CRB2: variants seen among roughly 807,000 people sequenced by gnomAD.
CRB2 encodes the protein crumbs cell polarity complex component 2.
CRB2 carries 85 observed loss-of-function variants against 110.9 expected under a neutral mutation model. That is an observed-to-expected ratio of 0.77 (90% CI 0.64 to 0.92). The LOEUF is 0.92. Among genes scored for constraint, CRB2 ranks in the 40% least tolerant of loss-of-function variants. The probability of loss-of-function intolerance (pLI) is 0.00; values close to 1 mark genes in which losing one functional copy is unlikely to be tolerated. For missense variants in CRB2, 1,843 were observed against 1,851.3 expected, an observed-to-expected ratio of 1.00 and a Z score of 0.08; for synonymous variants, 907 against 831.0, an observed-to-expected ratio of 1.09 and a Z score of -1.57.
At position 123,356,216 on chromosome 9, in the gene CRB2, C is replaced by A; in HGVS notation, c.-45C>A. Reference sequence around the variant, plus strand: ...GGGGGTGCGGAGCCAGCCAGGCCGCCCTCCCGTTCTCACAGCAGCCGAGCA... The same window carrying A: ...GGGGGTGCGGAGCCAGCCAGGCCGCACTCCCGTTCTCACAGCAGCCGAGCA... On this transcript the variant is annotated 5_prime_UTR_variant, in exon 1 of 13. Transcript: ENST00000373631. The A allele has an allele frequency of 7.5e-7, 1 of 1,340,690 alleles. No homozygotes were observed. The highest frequency in any genetic ancestry group is 9.8e-7 in the Non-Finnish European group (1 of 1,024,008). The allele number at this position is 1,340,690 out of a possible 1,614,324, so 83.0% of individuals were successfully genotyped here. A position where few individuals can be genotyped will look rare whatever the true frequency, so the allele number is the denominator to read the frequency against.
intron 11 of CRB2, 136 bp from the exon 12 acceptor site, chr9:123,375,081 G>T: frequency 7.5e-7 from 1 of 1,333,618 alleles, no homozygotes. Context: ...GGGCCCAGCT[G>T]GGCAGGAGCA....
intron 9 of CRB2, among the ~76,000 whole-genome samples, chr9:123,372,880 C>T (rs1266320898): frequency 6.6e-6 from 1 of 152,214 alleles, no homozygotes; most frequent in Non-Finnish European, 1.5e-5. Flanking sequence ...TGGCTTGTGA[C>T]CTGGAGGGTC....
intron 10 of CRB2, 128 bp from the exon 11 acceptor site, chr9:123,374,451 A>G: frequency 2.9e-6 from 2 of 689,174 alleles, no homozygotes. Context: ...CCTCAATCCC[A>G]TGCCCAATAG....
chr9:123,374,097 C>A, intron 10 of CRB2, 177 bp downstream of exon 10: 1 of 923,250 alleles, frequency 1.1e-6, no homozygotes, highest in Non-Finnish European at 1.7e-6. Flanking sequence ...CAGATCAAAA[C>A]ACAACCAGTT....
Position 123,367,328 on chromosome 9 carries a change from T to C in CRB2, c.911T>C (p.Phe304Ser), listed in dbSNP as rs1477900996. 1 of 1,604,180 alleles carries C rather than the reference T, an allele frequency of 6.2e-7. No individual in the cohort carries two copies. The highest frequency in any genetic ancestry group is 1.7e-5 in the Admixed American group (1 of 59,786). ...GAFSFRHAAG[F>S]LCHCPPGFEG... ...TTCAGCTTCCGCCATGCTGCGGGTT[T>C]CCTGTGCCACTGCCCTCCTGGCTTT... is the stretch of plus-strand genomic sequence containing the variant. The change falls in exon 5 of 13, where the codon TTC becomes TCC. Residue 304 changes from phenylalanine to serine, a missense_variant. By Grantham distance (155) the Phe-to-Ser change is radical (BLOSUM62 -2). Coordinates refer to ENST00000373631, the MANE Select transcript of CRB2 (RefSeq NM_173689.7).
rs1322315181 is a variant in CRB2, at chr9:123,366,031, G to A, written c.533G>A (p.Gly178Asp). The stretch of plus-strand genomic sequence containing the variant: ...TGTGTGTGCGCGCCAGGCTACGGGG[G>A]CACCCGTTGCCAGCTGGACCTCGAC... ...FRCVCAPGYG[G>D]TRCQLDLDEC... is the part of the protein sequence containing the mutation. Residue 178 changes from glycine to aspartate, a missense_variant, in exon 3 of 13, where the codon GGC becomes GAC. Transcript: ENST00000373631. 8.8e-6 allele frequency: 14 copies of A among 1,588,032 alleles called. No homozygotes were observed. Among genetic ancestry groups the A allele is most frequent in the Admixed American group, 1.7e-5 (1 of 58,860 alleles).
At chr9:123,366,193 C>T (rs1588208947) in intron 3 of CRB2, 34 bp from the exon 4 acceptor site, 1 of 1,390,190 alleles carries the variant, frequency 7.2e-7, no homozygotes, top group Non-Finnish European at 9.2e-7. Context: ...AAGGGGCAGG[C>T]GCGCGCTCAG....
chr9:123,366,034 C>T lies in CRB2; in HGVS notation c.536C>T (p.Thr179Ile), dbSNP rs892279643. 6.3e-7 allele frequency: 1 copy of T among 1,587,686 alleles called. No individual in the cohort carries two copies. The highest frequency in any genetic ancestry group is 1.3e-5 in the African/African-American group (1 of 74,496). ...RCVCAPGYGG[T>I]RCQLDLDECQ... is the part of the protein sequence containing the mutation. Reference sequence around the variant, plus strand: ...GTGTGCGCGCCAGGCTACGGGGGCACCCGTTGCCAGCTGGACCTCGACGAG... The same window carrying T: ...GTGTGCGCGCCAGGCTACGGGGGCATCCGTTGCCAGCTGGACCTCGACGAG... Residue 179 changes from threonine (T) to isoleucine (I), a missense_variant, in exon 3 of 13, where the codon ACC becomes ATC. By Grantham distance (89) the Thr-to-Ile change is moderately conservative. Transcript: ENST00000373631.
Position 123,373,418 on chromosome 9 carries a change from A to C in CRB2, c.2887A>C (p.Met963Leu). The C allele has an allele frequency of 6.9e-7, 1 of 1,448,166 alleles. No individual in the cohort carries two copies. Among genetic ancestry groups the C allele is most frequent in the South Asian group, 1.3e-5 (1 of 74,934 alleles). The allele number at this position is 1,448,166 out of a possible 1,614,324, so 89.7% of individuals were successfully genotyped here. A position where few individuals can be genotyped will look rare whatever the true frequency, so the allele number is the denominator to read the frequency against. ...DGAWHRVRLA[M>L]ERPAATTSRW... is the part of the protein sequence containing the mutation. ...TGCCTGGCACCGCGTGCGTCTGGCC[A>C]TGGAGCGCCCGGCGGCCACCACCTC... Residue 963 changes from methionine (M) to leucine (L), a missense_variant, in exon 10 of 13, where the codon ATG becomes CTG. Physicochemically the swap from Met to Leu is conservative, Grantham distance 15. Transcript: ENST00000373631.
intron 2 of CRB2, among the ~76,000 whole-genome samples, chr9:123,363,809 A>T (rs2041897090): frequency 6.6e-6 from 1 of 152,200 alleles, no homozygotes; most frequent in Non-Finnish European, 1.5e-5. Flanking sequence ...CCTTCTCCAG[A>T]GTGTGGCCCG....
At position 123,369,984 on chromosome 9, in the gene CRB2, C is replaced by T. The variant is rs559847778; in HGVS notation, c.1055-124C>T. ...GGGACTTGAGGGGACCATGAGAAAT[C>T]CTCTGGGAATTGGTTTGGCTGATAG... On this transcript the variant is annotated intron_variant, in intron 6 of 12. Transcript: ENST00000373631. 1.4e-5 allele frequency: 17 copies of T among 1,176,904 alleles called. No individual in the cohort carries two copies. The Admixed American group carries it at 3.7e-4, about 26-fold the overall frequency. 72.9% of individuals were successfully genotyped at this position (1,176,904 alleles called of 1,614,324 possible). A position where few individuals can be genotyped will look rare whatever the true frequency, so the allele number is the denominator to read the frequency against.
At chr9:123,368,832 C>A (rs1017335857) in intron 6 of CRB2, 4 of 1,244,322 alleles carry the variant, frequency 3.2e-6, no homozygotes, top group East Asian at 7.1e-5. Context: ...AGCTCTGCCT[C>A]CTCCCCACTT....
intron 10 of CRB2, chr9:123,374,211 G>C (rs2132797333): frequency 3.3e-6 from 2 of 601,512 alleles, no homozygotes; most frequent in East Asian, 5.8e-5. Context: ...GTGGAGGGAG[G>C]GGGTCAGGCT....
chr9:123,375,494 AC>A (rs559179265), intron 12 of CRB2, 151 bp downstream of exon 12: 38 of 876,596 alleles, frequency 4.3e-5, no homozygotes, highest in African/African-American at 4.2e-4. Context: ...TCCCTTCCAC[AC>A]CCCCCACACA....
rs2041995301 is a variant in CRB2, at chr9:123,370,308, G to A, written c.1255G>A (p.Val419Ile). The A allele has an allele frequency of 1.2e-6, 2 of 1,613,476 alleles. No individual in the cohort carries two copies. Among genetic ancestry groups the A allele is most frequent in the African/African-American group, 1.3e-5 (1 of 74,930 alleles). The change falls in exon 7 of 13, where the codon GTC becomes ATC. Residue 419 changes from valine (V) to isoleucine (I), a missense_variant. Coordinates refer to ENST00000373631, the MANE Select transcript of CRB2 (RefSeq NM_173689.7). The part of the protein sequence containing the change: ...ATCIPIFESG[V>I]HSYVCHCPPG... The stretch of plus-strand genomic sequence containing the variant: ...CTGCATCCCTATCTTCGAGTCTGGG[G>A]TCCACAGTTACGTCTGCCACTGCCC...
intron 2 of CRB2, among the ~76,000 whole-genome samples, chr9:123,365,078 A>G (rs953031141): frequency 3.3e-5 from 5 of 152,112 alleles, no homozygotes; most frequent in Admixed American, 3.3e-4. Context: ...CCTGGCCAAC[A>G]TGGTGAAACG....
chr9:123,371,404 C>A lies in CRB2; in HGVS notation c.2262C>A (p.Ala754=), dbSNP rs780182853. 6.2e-7 allele frequency: 1 copy of A among 1,609,424 alleles called. No homozygotes were observed. Among genetic ancestry groups the A allele is most frequent in the South Asian group, 1.1e-5 (1 of 90,784 alleles). ...HVHVGGRLLA[A]DSQPWGGPFR... is the part of the protein sequence containing the mutation. ...ACGTGGGTGGGAGGCTCCTTGCTGC[C>A]GACAGCCAGCCCTGGGGTGGGCCCT... The change falls in exon 8 of 13, where the codon GCC becomes GCA. Residue 754 remains alanine, a synonymous_variant. Transcript: ENST00000373631.
In CRB2 at chr9:123,370,623, G is replaced by A; in HGVS notation, c.1570G>A (p.Val524Ile). 6.2e-7 allele frequency: 1 copy of A among 1,611,678 alleles called. No homozygotes were observed. The highest frequency in any genetic ancestry group is 8.5e-7 in the Non-Finnish European group (1 of 1,180,024). The change falls in exon 7 of 13, where the codon GTT (valine) becomes ATT (isoleucine). Residue 524 changes from valine (V) to isoleucine (I), a missense_variant. Val to Ile is a conservative substitution (Grantham distance 29). Coordinates refer to ENST00000373631, the MANE Select transcript of CRB2 (RefSeq NM_173689.7). ...LNDGHWHQVE[V>I]VLHLATLELR... ...CGATGGCCATTGGCACCAGGTGGAG[G>A]TTGTGCTCCATCTAGCGACCCTGGA...
chr9:123,365,861 T>C, intron 2 of CRB2, 56 bp from the exon 3 acceptor site: 4 of 1,477,462 alleles, frequency 2.7e-6, no homozygotes, highest in Non-Finnish European at 3.6e-6. Context: ...GCGCGACCTC[T>C]TCCGCCCTGC....
Sources: gnomAD v4.1 joint callset for allele counts (sites outside exome capture counted in the v4.1 genomes callset) on GRCh38, gnomAD v4.1.1 for gene constraint, MANE v1.5 for transcripts, NCBI Gene and HGNC (gene_info 2026-07-23, HGNC 2026-07-21) for gene names.